The following RALGPS1 variants were observed in gnomAD, a reference collection of about 807,000 sequenced individuals.
RALGPS1 encodes ras-specific guanine nucleotide-releasing factor RalGPS1.
RALGPS1 carries 19 observed loss-of-function variants against 78.8 expected under a neutral mutation model. The observed-to-expected ratio is 0.24, with a 90% CI of 0.17 to 0.35. The LOEUF is 0.35. Among genes scored for constraint, RALGPS1 ranks in the 10% least tolerant of loss-of-function variants. RALGPS1 has a pLI of 1.00. For synonymous variants in RALGPS1, 228 were observed against 256.3 expected (o/e 0.89, Z 1.06); for missense variants, 454 against 688.3 (o/e 0.66, Z 3.81).
intron 11 of RALGPS1, among the ~76,000 whole-genome samples, chr9:127,182,125 C>T (rs1041025607): frequency 1.3e-5 from 2 of 151,170 alleles, no homozygotes; most frequent in Non-Finnish European, 2.9e-5. Flanking sequence ...ATGGCTTGAG[C>T]CCAGAGTAGA....
chr9:127,187,973 A>C (rs1006657868), intron 11 of RALGPS1, among the ~76,000 whole-genome samples: 3 of 149,104 alleles, frequency 2.0e-5, no homozygotes, highest in Non-Finnish European at 4.4e-5. Flanking sequence ...CACAGAATCA[A>C]CCTCCAGGGG....
chr9:127,073,970 C>G (rs2050453352), intron 8 of RALGPS1, among the ~76,000 whole-genome samples: 1 of 152,162 alleles, frequency 6.6e-6, no homozygotes, highest in South Asian at 2.1e-4. Flanking sequence ...CAACCTCTGC[C>G]TCCCGGGTTC....
chr9:126,963,053 G>A (rs2039061383), intron 2 of RALGPS1, among the ~76,000 whole-genome samples: 1 of 152,182 alleles, frequency 6.6e-6, no homozygotes, highest in Non-Finnish European at 1.5e-5. Flanking sequence ...AAGAAAATTC[G>A]GTGTTTTGAT....
intron 1 of RALGPS1, among the ~76,000 whole-genome samples, chr9:126,936,098 T>A (rs1304041136): frequency 6.6e-6 from 1 of 152,200 alleles, no homozygotes. Flanking sequence ...CCATTTCACC[T>A]GGGCCCACCT....
At chr9:127,050,719 C>T (rs2048233998) in intron 6 of RALGPS1, among the ~76,000 whole-genome samples, 1 of 152,140 alleles carries the variant, frequency 6.6e-6, no homozygotes. Context: ...GCTATGCCAT[C>T]CCGTGGGCCA....
At chr9:126,940,822 C>G (rs567308762) in intron 1 of RALGPS1, among the ~76,000 whole-genome samples, 1 of 152,284 alleles carries the variant, frequency 6.6e-6, no homozygotes, top group East Asian at 1.9e-4. Flanking sequence ...AGACCCGAAC[C>G]TGGGAACCGC....
At chr9:127,013,159 A>G (rs2044510218) in intron 4 of RALGPS1, among the ~76,000 whole-genome samples, 1 of 152,180 alleles carries the variant, frequency 6.6e-6, no homozygotes, top group African/African-American at 2.4e-5. Context: ...AGTTGGGAAG[A>G]AAGTGGCCAT....
chr9:127,101,455 T>C (rs2053717869), intron 8 of RALGPS1, among the ~76,000 whole-genome samples: 1 of 152,218 alleles, frequency 6.6e-6, no homozygotes, highest in African/African-American at 2.4e-5. Context: ...CCCTCAATGC[T>C]CTGTGTGCCT....
At chr9:127,013,810 C>G (rs559935488) in intron 4 of RALGPS1, among the ~76,000 whole-genome samples, 2 of 152,310 alleles carry the variant, frequency 1.3e-5, no homozygotes, top group South Asian at 4.1e-4. Flanking sequence ...TCTGATTCAC[C>G]TCCTCTGGCC....
At chr9:127,096,878 C>A (rs540459202) in intron 8 of RALGPS1, among the ~76,000 whole-genome samples, 227 of 152,308 alleles carry the variant, frequency 1.5e-3, no homozygotes, top group Non-Finnish European at 2.7e-3. Context: ...CGTATTTCCA[C>A]AGGTGACCCT....
At chr9:127,161,358 G>A (rs1469460514) in intron 8 of RALGPS1, among the ~76,000 whole-genome samples, 2 of 152,204 alleles carry the variant, frequency 1.3e-5, no homozygotes, top group Admixed American at 6.5e-5. Context: ...GTAAACCACC[G>A]TTATTACCCT....
chr9:127,212,517 G>A lies in RALGPS1; in HGVS notation c.1354-110G>A, dbSNP rs1276646263. 16 of 777,930 alleles carry A rather than the reference G, an allele frequency of 2.1e-5. No homozygotes were observed. Among genetic ancestry groups the A allele is most frequent in the Middle Eastern group, 3.3e-4 (1 of 2,992 alleles). 48.2% of individuals were successfully genotyped at this position (777,930 alleles called of 1,614,324 possible). A position where few individuals can be genotyped will look rare whatever the true frequency, so the allele number is the denominator to read the frequency against. On this transcript the variant is annotated intron_variant, in intron 15 of 18. Transcript: ENST00000259351. This position sits in a 1 kb window ranked among gnomAD's most constrained non-coding sequence, Gnocchi z 6.0. ...CAGGGGGTGGTGGAGGGCCAGGGAA[G>A]AGATGGGGCCTGCACTGGCATTGAT... is the stretch of plus-strand genomic sequence containing the variant.
At chr9:127,068,582 T>C (rs772460692) in intron 7 of RALGPS1, among the ~76,000 whole-genome samples, 1 of 152,206 alleles carries the variant, frequency 6.6e-6, no homozygotes, top group Non-Finnish European at 1.5e-5. Context: ...AGATTGAAGC[T>C]TTCCATCTCT....
Position 126,940,736 on chromosome 9 carries a change from TGCTTTCTCG to T in RALGPS1, c.-65-21486_-65-21478del, listed in dbSNP as rs551307203. Among the ~76,000 whole-genome samples, 412 of 152,318 alleles carry T rather than the reference TGCTTTCTCG, an allele frequency of 2.7e-3. 5 individuals carry two copies. The highest frequency in any genetic ancestry group is 9.5e-3 in the African/African-American group (396 of 41,568). On this transcript the variant is annotated intron_variant, in intron 1 of 18. Transcript: ENST00000259351. ...GTGTACAAAAGTGCATCTTGTCTCT[TGCTTTCTCG>T]GCATGGTTGTATGAAATTGAGTAGT...
At chr9:127,079,162 G>A (rs966018332) in intron 8 of RALGPS1, among the ~76,000 whole-genome samples, 1 of 152,190 alleles carries the variant, frequency 6.6e-6, no homozygotes, top group Non-Finnish European at 1.5e-5. Context: ...CTTCCTGTGT[G>A]GAACAAGGAG....
chr9:126,959,064 CT>C (rs35067123), intron 1 of RALGPS1, among the ~76,000 whole-genome samples: 4,039 of 136,252 alleles, frequency 0.03, 35 homozygotes, highest in Middle Eastern at 0.052. Context: ...TCTTCTTCTT[CT>C]TTTTTTTTTT....
chr9:127,068,002 G>C (rs2135809808), intron 7 of RALGPS1, among the ~76,000 whole-genome samples: 1 of 152,290 alleles, frequency 6.6e-6, no homozygotes, highest in Middle Eastern at 3.4e-3. Context: ...TGAAAACCAG[G>C]AGTTCTGGTT....
chr9:127,162,525 A>G (rs2059078992), intron 8 of RALGPS1, among the ~76,000 whole-genome samples: 1 of 152,108 alleles, frequency 6.6e-6, no homozygotes, highest in Admixed American at 6.5e-5. Flanking sequence ...TTTATAGGGA[A>G]GTTCTTTCTA....
chr9:126,993,190 C>G (rs2042426062), intron 4 of RALGPS1, among the ~76,000 whole-genome samples: 1 of 152,138 alleles, frequency 6.6e-6, no homozygotes, highest in South Asian at 2.1e-4. Flanking sequence ...CGATTTTTGA[C>G]TATTAAACCA....
Sources: allele counts gnomAD v4.1 joint callset (sites outside exome capture counted in the v4.1 genomes callset), GRCh38; gene constraint gnomAD v4.1.1; non-coding constraint Gnocchi (gnomAD v3.1); transcripts MANE v1.5; gene names NCBI Gene and HGNC (gene_info 2026-07-23, HGNC 2026-07-21).